GALM: variants seen among roughly 807,000 people sequenced by gnomAD.
GALM encodes the protein aldose 1-epimerase.
A neutral mutation model predicts 37.4 loss-of-function variants in GALM; 43 were observed. That is an observed-to-expected ratio of 1.15 (90% CI 0.90 to 1.48). GALM has a LOEUF of 1.48. GALM is among the 40% of genes most tolerant of loss of function. The probability of loss-of-function intolerance (pLI) is 0.00; values close to 1 mark genes in which losing one functional copy is unlikely to be tolerated. For synonymous variants in GALM, 199 were observed against 170.6 expected, an observed-to-expected ratio of 1.17 and a Z score of -1.30; for missense variants, 456 against 419.1, an observed-to-expected ratio of 1.09 and a Z score of -0.77.
At chr2:38,713,617 A>G (rs1248804041) in intron 4 of GALM, among the ~76,000 whole-genome samples, 1 of 152,162 alleles carries the variant, frequency 6.6e-6, no homozygotes, top group Non-Finnish European at 1.5e-5. Context: ...TCTAGGTTGA[A>G]ATCTTGTCAG....
At chr2:38,670,181 G>A (rs1000047698) in intron 1 of GALM, among the ~76,000 whole-genome samples, 2 of 151,940 alleles carry the variant, frequency 1.3e-5, no homozygotes, top group Non-Finnish European at 2.9e-5. Flanking sequence ...ATTTTTCATC[G>A]GCATGTCCCA....
intron 4 of GALM, among the ~76,000 whole-genome samples, chr2:38,696,478 G>A (rs1665808823): frequency 6.8e-6 from 1 of 146,052 alleles, no homozygotes; most frequent in South Asian, 2.2e-4. Context: ...TGTTGCCCAA[G>A]CTGAAACAGT....
intron 3 of GALM, among the ~76,000 whole-genome samples, chr2:38,686,305 T>G (rs112063899): frequency 0.028 from 4,148 of 149,760 alleles, 223 homozygotes; most frequent in African/African-American, 0.096. Context: ...TCGCTCTGTC[T>G]CCCAGGCTGG....
chr2:38,729,362 C>CCTTT (rs1553385645), intron 4 of GALM, among the ~76,000 whole-genome samples, 194 bp from the exon 5 acceptor site: 1 of 150,522 alleles, frequency 6.6e-6, no homozygotes, highest in African/African-American at 2.4e-5. Flanking sequence ...TAATTTTTTA[C>CCTTT]ATTTATTTAT....
chr2:38,679,621 C>A (rs1461349191), intron 2 of GALM, among the ~76,000 whole-genome samples: 1 of 152,076 alleles, frequency 6.6e-6, no homozygotes, highest in Non-Finnish European at 1.5e-5. Context: ...TGCAACAGGC[C>A]CCTTCTTTAG....
chr2:38,670,369 A>G (rs540198536), intron 1 of GALM, among the ~76,000 whole-genome samples: 148 of 152,328 alleles, frequency 9.7e-4, no homozygotes, highest in African/African-American at 3.5e-3. Flanking sequence ...AAAATAGAAA[A>G]AGTAAATTTA....
At chr2:38,699,234 T>C (rs1665870201) in intron 4 of GALM, among the ~76,000 whole-genome samples, 1 of 152,204 alleles carries the variant, frequency 6.6e-6, no homozygotes, top group Admixed American at 6.5e-5. Flanking sequence ...TTATTTTTAA[T>C]TGATACCTAA....
At chr2:38,677,043 A>G (rs961985325) in intron 2 of GALM, among the ~76,000 whole-genome samples, 1 of 152,318 alleles carries the variant, frequency 6.6e-6, no homozygotes, top group East Asian at 1.9e-4. Flanking sequence ...GAAAACGACC[A>G]TTCTTTAAGC....
At chr2:38,710,889 G>T (rs1666138188) in intron 4 of GALM, among the ~76,000 whole-genome samples, 1 of 151,562 alleles carries the variant, frequency 6.6e-6, no homozygotes, top group African/African-American at 2.4e-5. Flanking sequence ...GAGTAGCTGG[G>T]ATTACAGGTG....
intron 4 of GALM, among the ~76,000 whole-genome samples, chr2:38,705,282 G>A (rs774378768): frequency 4.6e-5 from 7 of 152,106 alleles, no homozygotes; most frequent in Non-Finnish European, 7.3e-5. Context: ...GTGGGCCTTG[G>A]GCAACGGACC....
chr2:38,732,524 A>C (rs975317240), intron 6 of GALM, among the ~76,000 whole-genome samples: 2 of 152,188 alleles, frequency 1.3e-5, no homozygotes, highest in African/African-American at 4.8e-5. Context: ...GCCACACTTA[A>C]GGAGAGCTTC....
intron 1 of GALM, among the ~76,000 whole-genome samples, chr2:38,675,387 A>G (rs964455806): frequency 2.6e-5 from 4 of 152,146 alleles, no homozygotes; most frequent in South Asian, 2.1e-4. Flanking sequence ...GGAAAAGGAA[A>G]GGATCGTATG....
intron 3 of GALM, among the ~76,000 whole-genome samples, chr2:38,682,090 A>G (rs1224274771): frequency 6.6e-6 from 1 of 152,224 alleles, no homozygotes; most frequent in East Asian, 1.9e-4. Context: ...GAAGCCCTTT[A>G]TGAAGTTGTT....
rs1191557473 is a variant in GALM, at chr2:38,687,733, G to A, written c.553-2080G>A. 3.3e-5 allele frequency among the ~76,000 whole-genome samples: 5 copies of A among 151,584 alleles called. No homozygotes were observed. The South Asian group carries it at 8.4e-4, about 25-fold the overall frequency. ...CTCCGAAAAAAAAAAAAAGAGAATC[G>A]TAGTTTTTCAGAAAAAGAGCCTACT... On this transcript the variant is annotated intron_variant, in intron 3 of 6. Coordinates refer to ENST00000272252, the MANE Select transcript of GALM (RefSeq NM_138801.3).
At chr2:38,677,198 C>T (rs924265975) in intron 2 of GALM, among the ~76,000 whole-genome samples, 4 of 152,208 alleles carry the variant, frequency 2.6e-5, no homozygotes, top group Admixed American at 1.3e-4. Context: ...TAATTTCAGG[C>T]TGTGCAGGAG....
In GALM at chr2:38,707,046, G is replaced by C. The variant is rs541978238; in HGVS notation, c.634+17152G>C. ...GCTGTGTGATGACCCCGGGACTCTA[G>C]AGCAGCTGCTGGGCAGTAGAGATGG... On this transcript the variant is annotated intron_variant, in intron 4 of 6. Coordinates refer to ENST00000272252, the MANE Select transcript of GALM (RefSeq NM_138801.3). Among the ~76,000 whole-genome samples, 88 of 151,398 alleles carry C rather than the reference G, an allele frequency of 5.8e-4. 5 individuals are homozygous for C. The South Asian group carries it at 0.017, about 30-fold the overall frequency.
At chr2:38,733,370 C>T (rs1369304028) in intron 6 of GALM, 118 bp from the exon 7 acceptor site, 3 of 822,188 alleles carry the variant, frequency 3.6e-6, no homozygotes, top group East Asian at 4.9e-5. Flanking sequence ...ATAAACAGTT[C>T]CCGCACTGGC....
chr2:38,704,042 T>TA (rs565295551), intron 4 of GALM, among the ~76,000 whole-genome samples: 81 of 149,972 alleles, frequency 5.4e-4, no homozygotes, highest in African/African-American at 1.6e-3. Context: ...AATAAATAAA[T>TA]AAATAAAATA....
At chr2:38,691,739 TA>T (rs1553381727) in intron 4 of GALM, among the ~76,000 whole-genome samples, 1 of 150,782 alleles carries the variant, frequency 6.6e-6, no homozygotes. Flanking sequence ...TTTTTTTTTT[TA>T]AAAAAGACCA....
Sources: allele counts gnomAD v4.1 joint callset (sites outside exome capture counted in the v4.1 genomes callset), GRCh38; gene constraint gnomAD v4.1.1; transcripts MANE v1.5; gene names NCBI Gene and HGNC (gene_info 2026-07-23, HGNC 2026-07-21).